The following ELP4 variants were observed in gnomAD, a reference collection of about 807,000 sequenced individuals.
ELP4 encodes the protein elongator acetyltransferase complex subunit 4, also known as elongator complex protein 4.
In ELP4, 51 loss-of-function variants were observed where a neutral mutation model predicts 48.9. The observed-to-expected ratio is 1.04, with a 90% CI of 0.83 to 1.32. The LOEUF (loss-of-function observed/expected upper bound fraction) is 1.32, where lower values mean the gene tolerates loss of function less well. Among genes scored for constraint, ELP4 ranks in the 40% most tolerant of loss-of-function variants. ELP4 has a pLI of 0.00. For missense variants in ELP4, 519 were observed against 514.6 expected (o/e 1.01, Z -0.08); for synonymous variants, 210 against 189.2 (o/e 1.11, Z -0.90).
rs1409487199 is a variant in ELP4, at chr11:31,635,807, C to CA, written c.927+3408dup. On this transcript the variant is annotated intron_variant, in intron 7 of 9. Transcript: ENST00000640961. The stretch of plus-strand genomic sequence containing the variant: ...GAGGATTTGAACAGAGATCAGGCTA[C>CA]AAAAAATAAGATATAAAAGTCTATC... Among the ~76,000 whole-genome samples the CA allele has an allele frequency of 3.3e-5, 5 of 151,928 alleles. No individual in the cohort carries two copies. In the South Asian group the frequency reaches 8.3e-4, roughly 25 times the overall value.
At chr11:31,761,795 A>T (rs530468783) in intron 9 of ELP4, 1 of 152,314 alleles carries the variant, frequency 6.6e-6, no homozygotes, top group East Asian at 1.9e-4. Flanking sequence ...CAGACCAGGG[A>T]TTTGGGCTGT....
intron 7 of ELP4, among the ~76,000 whole-genome samples, chr11:31,641,647 G>C (rs958753091): frequency 6.6e-6 from 1 of 151,828 alleles, no homozygotes; most frequent in Non-Finnish European, 1.5e-5. Flanking sequence ...AATTCAAGCA[G>C]GTGAGGACCT....
At chr11:31,729,666 C>G (rs181792705) in intron 9 of ELP4, among the ~76,000 whole-genome samples, 80 of 152,272 alleles carry the variant, frequency 5.3e-4, no homozygotes, top group African/African-American at 1.9e-3. Flanking sequence ...CTACTATACT[C>G]CAAAAACTGA....
intron 9 of ELP4, among the ~76,000 whole-genome samples, chr11:31,728,188 AG>A (rs1165578792): frequency 6.6e-6 from 1 of 152,186 alleles, no homozygotes; most frequent in African/African-American, 2.4e-5. Context: ...AATCTATTGA[AG>A]GGTTGTTACC....
intron 9 of ELP4, among the ~76,000 whole-genome samples, chr11:31,761,212 C>A (rs1046791687): frequency 6.6e-6 from 1 of 152,062 alleles, no homozygotes; most frequent in Admixed American, 6.6e-5. Context: ...GTGGCACACA[C>A]TTGTGGTCCC....
chr11:31,723,344 C>G (rs980067610), intron 9 of ELP4, among the ~76,000 whole-genome samples: 1 of 151,968 alleles, frequency 6.6e-6, no homozygotes, highest in Admixed American at 6.5e-5. Context: ...CCCCGCCCCC[C>G]GCCACCCACT....
intron 9 of ELP4, among the ~76,000 whole-genome samples, chr11:31,744,333 T>C (rs1947527975): frequency 6.6e-6 from 1 of 152,316 alleles, no homozygotes; most frequent in South Asian, 2.1e-4. Flanking sequence ...GCTGGTACTA[T>C]TCCTTCTGAA....
At chr11:31,733,988 A>C (rs956417666) in intron 9 of ELP4, among the ~76,000 whole-genome samples, 1 of 152,208 alleles carries the variant, frequency 6.6e-6, no homozygotes, top group Non-Finnish European at 1.5e-5. Flanking sequence ...AGCAAATCAA[A>C]TTCAACAACA....
At chr11:31,553,606 A>G (rs1032489800) in intron 3 of ELP4, among the ~76,000 whole-genome samples, 1 of 151,828 alleles carries the variant, frequency 6.6e-6, no homozygotes, top group African/African-American at 2.4e-5. Flanking sequence ...CTTGACTAGA[A>G]CTACACTATT....
chr11:31,678,797 T>A (rs1303616126), intron 9 of ELP4, among the ~76,000 whole-genome samples: 2 of 152,194 alleles, frequency 1.3e-5, no homozygotes, highest in African/African-American at 2.4e-5. Flanking sequence ...TGATAGATTG[T>A]ATAAGAGCAT....
At position 31,786,479 on chromosome 11, in the gene ELP4, A is replaced by C. The variant is rs1195713472; in HGVS notation, c.*2955A>C. The C allele has an allele frequency of 1.8e-5, 4 of 221,784 alleles. No individual in the cohort carries two copies. Among genetic ancestry groups the C allele is most frequent in the Non-Finnish European group, 3.6e-5 (4 of 110,892 alleles). 13.7% of individuals were successfully genotyped at this position (221,784 alleles called of 1,614,324 possible). A position where few individuals can be genotyped will look rare whatever the true frequency, so the allele number is the denominator to read the frequency against. On this transcript the variant is annotated 3_prime_UTR_variant, in exon 10 of 10. Transcript: ENST00000640961. ...AAGCAGATGAGGTTTATTCTTGAGA[A>C]ATGAAAAAGAGAAGAATATATATTT...
intron 9 of ELP4, among the ~76,000 whole-genome samples, chr11:31,749,061 A>T (rs569265093): frequency 3.9e-5 from 6 of 152,340 alleles, no homozygotes; most frequent in African/African-American, 1.4e-4. Context: ...GAAACAGTAT[A>T]GAATCTGGCC....
At chr11:31,695,627 G>A (rs1014960545) in intron 9 of ELP4, among the ~76,000 whole-genome samples, 3 of 149,438 alleles carry the variant, frequency 2.0e-5, no homozygotes, top group Non-Finnish European at 4.5e-5. Flanking sequence ...ATCTTTTTTT[G>A]TTGTTGTTGT....
chr11:31,632,392 C>T lies in ELP4; in HGVS notation c.914C>T (p.Thr305Ile). 6.2e-7 allele frequency: 1 copy of T among 1,607,292 alleles called. No individual in the cohort carries two copies. The highest frequency in any genetic ancestry group is 1.1e-5 in the South Asian group (1 of 89,652). ...TCAGCCTGCATCATCACAATGCCAACACATCTGATCCAGGTACGAAATTTC... is the reference window on the plus strand; with the variant it reads ...TCAGCCTGCATCATCACAATGCCAATACATCTGATCCAGGTACGAAATTTC... ...SLSACIITMPTHLIQNKAIIA... is the reference protein window; with the variant it reads ...SLSACIITMPIHLIQNKAIIA... The change falls in exon 7 of 10, where the codon ACA becomes ATA. Residue 305 changes from threonine (T) to isoleucine (I), a missense_variant. Transcript: ENST00000640961.
At chr11:31,694,436 T>C (rs545801237) in intron 9 of ELP4, among the ~76,000 whole-genome samples, 26 of 152,362 alleles carry the variant, frequency 1.7e-4, no homozygotes, top group African/African-American at 6.3e-4. Context: ...TCCCCATTTC[T>C]TGTTTTTGTC....
chr11:31,781,386 T>G (rs1232571691), intron 9 of ELP4, among the ~76,000 whole-genome samples: 1 of 152,064 alleles, frequency 6.6e-6, no homozygotes. Context: ...TAAAGGTTTC[T>G]TTCCGTCCTG....
intron 9 of ELP4, among the ~76,000 whole-genome samples, chr11:31,757,337 C>G (rs1027270045): frequency 2.6e-5 from 4 of 151,956 alleles, no homozygotes; most frequent in Non-Finnish European, 5.9e-5. Flanking sequence ...ATCCCAGTTA[C>G]ATTTTTACCT....
chr11:31,546,093 C>T (rs190702552), intron 3 of ELP4, among the ~76,000 whole-genome samples: 1 of 151,300 alleles, frequency 6.6e-6, no homozygotes, highest in African/African-American at 2.4e-5. Flanking sequence ...GCAAAATAAC[C>T]AGCTAACATT....
intron 3 of ELP4, among the ~76,000 whole-genome samples, chr11:31,593,595 G>C (rs191933235): frequency 6.6e-6 from 1 of 152,242 alleles, no homozygotes; most frequent in African/African-American, 2.4e-5. Flanking sequence ...TGGAGACATA[G>C]AGAGGTCCTG....
Sources: gnomAD v4.1 joint callset for allele counts (sites outside exome capture counted in the v4.1 genomes callset) on GRCh38, gnomAD v4.1.1 for gene constraint, MANE v1.5 for transcripts, NCBI Gene and HGNC (gene_info 2026-07-23, HGNC 2026-07-21) for gene names.